The following PCDHA13 variants were observed in gnomAD, a reference collection of about 807,000 sequenced individuals.
The protein encoded by PCDHA13 is protocadherin alpha 13, also known as protocadherin alpha-13.
Under a neutral mutation model 64.8 loss-of-function variants are expected in PCDHA13, and 54 were observed. That is an observed-to-expected ratio of 0.83 (90% CI 0.67 to 1.04). The LOEUF (loss-of-function observed/expected upper bound fraction) is 1.04, where lower values mean the gene tolerates loss of function less well. PCDHA13 is among the 50% of genes least tolerant of loss of function. PCDHA13 has a pLI of 0.00. For synonymous variants in PCDHA13, 587 were observed against 564.4 expected (o/e 1.04, Z -0.57); for missense variants, 1,248 against 1,254.3 (o/e 0.99, Z 0.08).
At chr5:141,007,759 T>C (rs1392582275) in intron 3 of PCDHA13, among the ~76,000 whole-genome samples, 6 of 152,312 alleles carry the variant, frequency 3.9e-5, no homozygotes, top group Middle Eastern at 3.4e-3. Flanking sequence ...TGGACTCTTA[T>C]TGGCCTGGAA....
chr5:140,886,843 A>G (rs1247447766), intron 1 of PCDHA13, among the ~76,000 whole-genome samples: 8 of 150,852 alleles, frequency 5.3e-5, no homozygotes, highest in African/African-American at 1.5e-4. Flanking sequence ...AAAAAAAAAA[A>G]AAAAGAAAGG....
chr5:140,968,896 A>G (rs2096277975), intron 1 of PCDHA13: 1 of 1,614,240 alleles, frequency 6.2e-7, no homozygotes, highest in Non-Finnish European at 8.5e-7. Context: ...ATCTAATAAT[A>G]GCATTAAGCA....
At chr5:140,968,776 A>C in intron 1 of PCDHA13, 1 of 1,614,200 alleles carries the variant, frequency 6.2e-7, no homozygotes, top group Non-Finnish European at 8.5e-7. Flanking sequence ...AGCCATCACT[A>C]TCAGCCTCTG....
intron 1 of PCDHA13, among the ~76,000 whole-genome samples, chr5:140,903,649 T>C (rs1335268583): frequency 6.6e-6 from 1 of 152,236 alleles, no homozygotes; most frequent in Non-Finnish European, 1.5e-5. Context: ...CATATACATA[T>C]ATTATAAATT....
At chr5:140,935,721 A>G (rs2090523952) in intron 1 of PCDHA13, among the ~76,000 whole-genome samples, 1 of 152,196 alleles carries the variant, frequency 6.6e-6, no homozygotes, top group African/African-American at 2.4e-5. Context: ...ATATATTTAG[A>G]GAAGTCTAGT....
At chr5:140,921,781 G>C (rs1393443819) in intron 1 of PCDHA13, among the ~76,000 whole-genome samples, 1 of 151,986 alleles carries the variant, frequency 6.6e-6, no homozygotes, top group Non-Finnish European at 1.5e-5. Context: ...TACTGACTTG[G>C]ATGTTCTAGA....
intron 3 of PCDHA13, among the ~76,000 whole-genome samples, chr5:141,005,559 G>A (rs980622255): frequency 6.6e-6 from 1 of 151,190 alleles, no homozygotes; most frequent in Admixed American, 6.6e-5. Flanking sequence ...AAAATTAGCC[G>A]GGCATGGTGG....
intron 2 of PCDHA13, among the ~76,000 whole-genome samples, chr5:140,980,036 G>T (rs952735379): frequency 6.6e-6 from 1 of 152,176 alleles, no homozygotes; most frequent in African/African-American, 2.4e-5. Context: ...ATTACATTGG[G>T]TGCTATTTCT....
chr5:140,884,840 A>G (rs2060380495), intron 1 of PCDHA13, 178 bp downstream of exon 1: 7 of 888,512 alleles, frequency 7.9e-6, no homozygotes, highest in Non-Finnish European at 1.1e-5. Flanking sequence ...TATCCTTCAG[A>G]GTGAAATCTT....
intron 3 of PCDHA13, among the ~76,000 whole-genome samples, chr5:141,000,522 G>A (rs1294045842): frequency 4.2e-5 from 6 of 143,688 alleles, no homozygotes; most frequent in African/African-American, 1.6e-4. Context: ...CCTTCTCCAG[G>A]GTTCAAGTGA....
intron 1 of PCDHA13, among the ~76,000 whole-genome samples, chr5:140,946,411 A>G (rs1554217552): frequency 1.1e-4 from 16 of 151,766 alleles, no homozygotes. Context: ...ATCATAGAAA[A>G]CAATATGGAG....
intron 1 of PCDHA13, among the ~76,000 whole-genome samples, chr5:140,939,804 G>A (rs2092463605): frequency 6.6e-6 from 1 of 152,140 alleles, no homozygotes; most frequent in Non-Finnish European, 1.5e-5. Flanking sequence ...TGTTCTGCAT[G>A]TTCAAGAAAA....
rs569501434 is a variant in PCDHA13 at position 140,980,458 on chromosome 5, T to C, written c.2453+1451T>C. Among the ~76,000 whole-genome samples the C allele has an allele frequency of 1.6e-4, 25 of 152,264 alleles. No individual in the cohort carries two copies. The South Asian group carries it at 2.7e-3, about 16-fold the overall frequency. ...CATCCTGGACAACACGGTGAAACCC[T>C]GTCTCTACTAAAAATACAAAAATTA... On this transcript the variant is annotated intron_variant, in intron 2 of 3. Coordinates refer to ENST00000289272, the MANE Select transcript of PCDHA13 (RefSeq NM_018904.3).
At chr5:140,885,110 TA>T (rs1368571784) in intron 1 of PCDHA13, among the ~76,000 whole-genome samples, 4 of 152,224 alleles carry the variant, frequency 2.6e-5, no homozygotes, top group African/African-American at 9.6e-5. Context: ...ATGCTTTTTT[TA>T]AGTGCACTTT....
chr5:140,967,736 G>A (rs1554229871), intron 1 of PCDHA13: 4 of 1,614,162 alleles, frequency 2.5e-6, no homozygotes, highest in Non-Finnish European at 3.4e-6. Context: ...TGGGGGGCTG[G>A]ATTATGAGGA....
In PCDHA13 at chr5:141,010,893, A is replaced by G. The variant is rs76323061; in HGVS notation, c.*956A>G. On this transcript the variant is annotated 3_prime_UTR_variant, in exon 4 of 4. Transcript: ENST00000289272. ...TAAATCTTTAAAGAGAAATATGAAT[A>G]CAATTCCCCTAAACTCTCCTCAAAA... is the stretch of plus-strand genomic sequence containing the variant. 0.018 allele frequency: 2,808 copies of G among 153,906 alleles called. 48 individuals are homozygous for G. The highest frequency in any genetic ancestry group is 0.029 in the Non-Finnish European group (1,995 of 68,040). 9.5% of individuals were successfully genotyped at this position (153,906 alleles called of 1,614,324 possible).
chr5:140,882,252 G>A lies in PCDHA13; in HGVS notation c.-17G>A. ...TTGTATATATTGCAGATAGCTCTGA[G>A]GTTTTTGGAGTGTACCATGCTGTCT... On this transcript the variant is annotated 5_prime_UTR_variant, in exon 1 of 4. Coordinates refer to ENST00000289272, the MANE Select transcript of PCDHA13 (RefSeq NM_018904.3). 1 of 1,597,600 alleles carries A rather than the reference G, an allele frequency of 6.3e-7. No homozygotes were observed. The highest frequency in any genetic ancestry group is 8.5e-7 in the Non-Finnish European group (1 of 1,170,760).
In PCDHA13 at chr5:140,884,626, A is replaced by G. The variant is rs782131642; in HGVS notation, c.2358A>G (p.Thr786=). 9 of 1,613,602 alleles carry G rather than the reference A, an allele frequency of 5.6e-6. No individual in the cohort carries two copies. In the Admixed American group the frequency reaches 1.5e-4, roughly 27 times the overall value. ...CTTGTCTGGGTTCTGCAGAGGGAAC[A>G]GGCCAGAGGGAGGAGGACTCAGAAT... ...LPPCLGSAEG[T]GQREEDSECL... Residue 786 remains threonine, a synonymous_variant, in exon 1 of 4, where the codon ACA becomes ACG. Transcript: ENST00000289272.
intron 1 of PCDHA13, among the ~76,000 whole-genome samples, chr5:140,934,631 G>A (rs2089960013): frequency 6.6e-6 from 1 of 151,984 alleles, no homozygotes; most frequent in African/African-American, 2.4e-5. Flanking sequence ...GTTCACACAG[G>A]AAAGGCAGGA....
Sources: gnomAD v4.1 joint callset for allele counts (sites outside exome capture counted in the v4.1 genomes callset) on GRCh38, gnomAD v4.1.1 for gene constraint, MANE v1.5 for transcripts, NCBI Gene and HGNC (gene_info 2026-07-23, HGNC 2026-07-21) for gene names.